The following KLHL3 variants were observed in gnomAD, a reference collection of about 807,000 sequenced individuals.
KLHL3 encodes the protein kelch-like protein 3.
In KLHL3, 19 loss-of-function variants were observed where a neutral mutation model predicts 70.5. The ratio of observed to expected loss-of-function variants is 0.27; its 90% CI spans 0.19 to 0.40. KLHL3 has a LOEUF of 0.40. Among genes scored for constraint, KLHL3 ranks in the 10% least tolerant of loss-of-function variants. The probability of loss-of-function intolerance (pLI) is 1.00; values close to 1 mark genes in which losing one functional copy is unlikely to be tolerated. For synonymous variants in KLHL3, 258 were observed against 290.3 expected (o/e 0.89, Z 1.13); for missense variants, 512 against 771.1 (o/e 0.66, Z 3.98).
intron 8 of KLHL3, among the ~76,000 whole-genome samples, chr5:137,657,639 A>G (rs1006675091): frequency 2.6e-5 from 4 of 151,816 alleles, no homozygotes; most frequent in African/African-American, 9.7e-5. Flanking sequence ...AAACTCCTCA[A>G]TTTGACAGGG....
intron 6 of KLHL3, among the ~76,000 whole-genome samples, chr5:137,663,672 T>C (rs1205877776): frequency 6.6e-6 from 1 of 152,184 alleles, no homozygotes; most frequent in East Asian, 1.9e-4. Context: ...TTTATGGAAT[T>C]TTTTTCTTCT....
At chr5:137,704,124 G>T (rs951695500) in intron 3 of KLHL3, among the ~76,000 whole-genome samples, 6 of 152,202 alleles carry the variant, frequency 3.9e-5, no homozygotes, top group African/African-American at 1.2e-4. Context: ...TTGGAATACA[G>T]CCTGTAATCC....
At chr5:137,635,046 A>G (rs1750733849) in intron 11 of KLHL3, among the ~76,000 whole-genome samples, 1 of 152,188 alleles carries the variant, frequency 6.6e-6, no homozygotes, top group Non-Finnish European at 1.5e-5. Flanking sequence ...ATGCAAATCT[A>G]TTTAACAGGA....
chr5:137,723,669 T>C (rs531440947), intron 1 of KLHL3, among the ~76,000 whole-genome samples: 1 of 152,350 alleles, frequency 6.6e-6, no homozygotes, highest in East Asian at 1.9e-4. Flanking sequence ...TATCTGCATA[T>C]AATGCCAGAG....
chr5:137,625,934 A>T, intron 13 of KLHL3, 38 bp from the exon 14 acceptor site: 1 of 1,613,410 alleles, frequency 6.2e-7, no homozygotes, highest in Non-Finnish European at 8.5e-7. Context: ...ACATCACAGC[A>T]GGTGCACTAA....
rs754713824 is a variant in KLHL3 at position 137,709,769 on chromosome 5, G to A, written c.222C>T (p.Tyr74=). The part of the protein sequence containing the change: ...HRVVLAACSP[Y]FCAMFTGDMS... ...CCATACCTGTGAACATCGCACAGAA[G>A]TAGGGGCTGCAGGCTGCCAGGACCA... Residue 74 remains tyrosine, a synonymous_variant, in exon 3 of 15, where the codon TAC becomes TAT. Coordinates refer to ENST00000309755, the MANE Select transcript of KLHL3 (RefSeq NM_017415.3). The A allele has an allele frequency of 1.2e-6, 2 of 1,613,890 alleles. No homozygotes were observed. The highest frequency in any genetic ancestry group is 1.7e-6 in the Non-Finnish European group (2 of 1,179,886).
intron 3 of KLHL3, among the ~76,000 whole-genome samples, chr5:137,699,601 C>A (rs914586965): frequency 3.3e-5 from 5 of 152,194 alleles, no homozygotes; most frequent in Admixed American, 2.0e-4. Flanking sequence ...CACCACATTT[C>A]CACGGTCCTG....
rs146508571 is a variant in KLHL3 at position 137,711,741 on chromosome 5, T to C, written c.135-1885A>G. Among the ~76,000 whole-genome samples the C allele has an allele frequency of 4.7e-3, 721 of 152,252 alleles. 6 individuals carry two copies. Among genetic ancestry groups the C allele is most frequent in the Non-Finnish European group, 5.7e-3 (391 of 68,012 alleles). On this transcript the variant is annotated intron_variant, in intron 2 of 14. Transcript: ENST00000309755. ...CTGTTTTAGCTGCCTTTGGGACATA[T>C]ATCATGGGGGCCAAATGGGATTACA...
intron 8 of KLHL3, chr5:137,647,704 A>G (rs1751089878): frequency 4.8e-6 from 2 of 416,794 alleles, no homozygotes; most frequent in Admixed American, 2.7e-5. Context: ...GACTTGTCCA[A>G]GCAGGTTCCT....
chr5:137,703,622 A>G (rs1752614917), intron 3 of KLHL3, among the ~76,000 whole-genome samples: 2 of 152,152 alleles, frequency 1.3e-5, no homozygotes, highest in Non-Finnish European at 1.5e-5. Context: ...GTCACCCTAT[A>G]TCACCTGTGA....
chr5:137,735,638 A>G lies in KLHL3; in HGVS notation c.9T>C (p.Gly3=). Residue 3 remains glycine (G), a synonymous_variant, in exon 1 of 15, where the codon GGT becomes GGC. Coordinates refer to ENST00000309755, the MANE Select transcript of KLHL3 (RefSeq NM_017415.3). ...ACACACTTATACATACATACCTTTC[A>G]CCCTCCATTGTGTGAGGCCCAGCCA... ME[G]ESVKLSSQTL... The G allele has an allele frequency of 6.2e-7, 1 of 1,610,980 alleles. No homozygotes were observed. Among genetic ancestry groups the G allele is most frequent in the Non-Finnish European group, 8.5e-7 (1 of 1,177,432 alleles).
chr5:137,631,729 T>C (rs1278969666), intron 12 of KLHL3, among the ~76,000 whole-genome samples: 1 of 152,204 alleles, frequency 6.6e-6, no homozygotes, highest in Non-Finnish European at 1.5e-5. Flanking sequence ...GATTGAGGCA[T>C]AAAAAGTACT....
rs1469600757 is a variant in KLHL3 at position 137,625,767 on chromosome 5, C to T, written c.1721G>A (p.Gly574Glu). 2 of 1,614,018 alleles carry T rather than the reference C, an allele frequency of 1.2e-6. No homozygotes were observed. The highest frequency in any genetic ancestry group is 1.7e-6 in the Non-Finnish European group (2 of 1,180,034). The change falls in exon 14 of 15, where the codon GGG (glycine) becomes GAG (glutamate). Residue 574 changes from glycine to glutamate, a missense_variant. Transcript: ENST00000309755. Reference protein sequence around the residue: ...WTLLPTNMSTGRSYAGVAVIH... With the variant: ...WTLLPTNMSTERSYAGVAVIH... ...CACACACTGACCTGCATAGCTCCGC[C>T]CCGTGCTCATGTTCGTTGGAAGCAG...
intron 3 of KLHL3, among the ~76,000 whole-genome samples, chr5:137,703,769 G>A (rs1392605093): frequency 2.0e-5 from 3 of 151,776 alleles, no homozygotes; most frequent in Admixed American, 6.6e-5. Context: ...CGCCCTCCCT[G>A]GAATCTCATC....
chr5:137,657,761 C>T (rs1751377942), intron 8 of KLHL3, among the ~76,000 whole-genome samples: 1 of 152,138 alleles, frequency 6.6e-6, no homozygotes, highest in East Asian at 1.9e-4. Context: ...CAAAGAATGG[C>T]CTAGAAAGAG....
Position 137,720,317 on chromosome 5 carries a change from A to C in KLHL3, c.134+148T>G, listed in dbSNP as rs11741787. The C allele has an allele frequency of 0.19, 165,628 of 865,678 alleles. 17,954 individuals carry two copies. The highest frequency in any genetic ancestry group is 0.22 in the Middle Eastern group (720 of 3,294). 53.6% of individuals were successfully genotyped at this position (865,678 alleles called of 1,614,324 possible). A position where few individuals can be genotyped will look rare whatever the true frequency, so the allele number is the denominator to read the frequency against. The stretch of plus-strand genomic sequence containing the variant: ...TTCCGTCTCAAAAAAAAAAAAAGAG[A>C]GAAAGAAAGGGGAACTCAAGTGACT... On this transcript the variant is annotated intron_variant, in intron 2 of 14. Transcript: ENST00000309755.
chr5:137,684,216 TA>T (rs1367105260), intron 5 of KLHL3, among the ~76,000 whole-genome samples: 1 of 152,228 alleles, frequency 6.6e-6, no homozygotes, highest in African/African-American at 2.4e-5. Context: ...TAATAACTCT[TA>T]TACTTAAATG....
chr5:137,625,173 A>G (rs555581825), intron 14 of KLHL3, among the ~76,000 whole-genome samples: 1 of 152,392 alleles, frequency 6.6e-6, no homozygotes, highest in African/African-American at 2.4e-5. Context: ...GCACGGGGCC[A>G]GCCACGCAGT....
chr5:137,702,250 C>A (rs1319551193), intron 3 of KLHL3, among the ~76,000 whole-genome samples: 2 of 49,960 alleles, frequency 4.0e-5, no homozygotes, highest in Non-Finnish European at 7.0e-5. Flanking sequence ...ATGATGAGCA[C>A]ACAAGAGCAC....
Sources: gnomAD v4.1 joint callset for allele counts (sites outside exome capture counted in the v4.1 genomes callset) on GRCh38, gnomAD v4.1.1 for gene constraint, MANE v1.5 for transcripts, NCBI Gene and HGNC (gene_info 2026-07-23, HGNC 2026-07-21) for gene names.